PCNX2: variants seen among roughly 807,000 people sequenced by gnomAD.
PCNX2 encodes the protein pecanex-like protein 2.
In PCNX2, 168 loss-of-function variants were observed where a neutral mutation model predicts 223.8. That is an observed-to-expected ratio of 0.75 (90% CI 0.66 to 0.85). PCNX2 has a LOEUF of 0.85. Ranked by LOEUF, PCNX2 falls within the 40% of genes least tolerant of loss-of-function variation. The probability of loss-of-function intolerance (pLI) is 0.00; values close to 1 mark genes in which losing one functional copy is unlikely to be tolerated. For missense variants in PCNX2, 2,507 were observed against 2,675.5 expected, an observed-to-expected ratio of 0.94 and a Z score of 1.39; for synonymous variants, 1,006 against 1,052.6, an observed-to-expected ratio of 0.96 and a Z score of 0.86.
chr1:233,084,943 C>T (rs867524862), intron 23 of PCNX2, among the ~76,000 whole-genome samples: 31 of 152,210 alleles, frequency 2.0e-4, no homozygotes, highest in African/African-American at 7.0e-4. Context: ...TCAAGACCAC[C>T]TCAGTCTAGC....
At chr1:233,134,796 C>T (rs1676713242) in intron 21 of PCNX2, 1 of 571,934 alleles carries the variant, frequency 1.7e-6, no homozygotes, top group East Asian at 2.9e-5. Flanking sequence ...ATGGCTAATT[C>T]ATTTTAATTA....
At chr1:233,103,294 C>A (rs1384598859) in intron 21 of PCNX2, among the ~76,000 whole-genome samples, 2 of 152,178 alleles carry the variant, frequency 1.3e-5, no homozygotes, top group East Asian at 3.9e-4. Context: ...CAGTTATATT[C>A]TTTTAGTTCC....
chr1:233,052,725 A>T (rs1672052682), intron 25 of PCNX2, among the ~76,000 whole-genome samples: 1 of 152,202 alleles, frequency 6.6e-6, no homozygotes, highest in Admixed American at 6.5e-5. Flanking sequence ...CATGACATGT[A>T]ATCAGTGCTA....
At chr1:233,186,479 G>C (rs1680105719) in intron 15 of PCNX2, among the ~76,000 whole-genome samples, 1 of 152,062 alleles carries the variant, frequency 6.6e-6, no homozygotes, top group Non-Finnish European at 1.5e-5. Flanking sequence ...CGGCACGTGT[G>C]GGTGTGCAAT....
rs752436779 is a variant in PCNX2 at position 233,217,906 on chromosome 1, G to C, written c.2684C>G (p.Pro895Arg). The C allele has an allele frequency of 5.0e-6, 8 of 1,613,766 alleles. No individual in the cohort carries two copies. The highest frequency in any genetic ancestry group is 1.7e-6 in the Non-Finnish European group (2 of 1,179,874). The part of the protein sequence containing the change: ...LKSVQPDPAS[P>R]IHGHNQIITY... ...CTGTATTTGGAAACTTACGTGTATT[G>C]GTGAGGCGGGGTCAGGCTGAACACT... The change falls in exon 12 of 34, where the codon CCA (proline) becomes CGA (arginine). Residue 895 changes from proline (P) to arginine (R), a missense_variant. Around this residue, in one of 3 missense-constraint regions of PCNX2, gnomAD observed 104 missense variants for 144.4 expected, o/e 0.72. Coordinates refer to ENST00000258229, the MANE Select transcript of PCNX2 (RefSeq NM_014801.4).
intron 25 of PCNX2, among the ~76,000 whole-genome samples, chr1:233,026,873 C>T (rs764368712): frequency 1.1e-4 from 17 of 152,138 alleles, no homozygotes; most frequent in Admixed American, 3.3e-4. Flanking sequence ...GTCAGGGAGG[C>T]AGCTGGATTA....
At chr1:233,101,164 C>A (rs551482381) in intron 21 of PCNX2, among the ~76,000 whole-genome samples, 1 of 152,064 alleles carries the variant, frequency 6.6e-6, no homozygotes, top group Admixed American at 6.6e-5. Context: ...GATTAAAAGC[C>A]GGAAACAAAG....
intron 2 of PCNX2, among the ~76,000 whole-genome samples, 179 bp downstream of exon 2, chr1:233,262,773 AAGCCAG>A (rs1201382777): frequency 6.6e-6 from 1 of 152,224 alleles, no homozygotes; most frequent in Non-Finnish European, 1.5e-5. Context: ...ATTTATTGGG[AAGCCAG>A]TTAAACCATC....
At chr1:233,289,253 G>A (rs772480612) in intron 1 of PCNX2, 8 of 957,332 alleles carry the variant, frequency 8.4e-6, no homozygotes, top group Non-Finnish European at 1.4e-5. Flanking sequence ...GTTGAGGAAC[G>A]GGAACAAAGA....
At position 233,179,093 on chromosome 1, in the gene PCNX2, C is replaced by T. The variant is rs192611362; in HGVS notation, c.3149G>A (p.Arg1050His). The part of the protein sequence containing the change: ...LLVALSYHLS[R>H]QSSDPSVLMS... ...GAGTACAGATGGGTCACTGCTCTGACGGCTCAGATGGTAAGAAAGGGCGAC... is the reference window on the plus strand; with the variant it reads ...GAGTACAGATGGGTCACTGCTCTGATGGCTCAGATGGTAAGAAAGGGCGAC... The change falls in exon 16 of 34, where the codon CGT (arginine) becomes CAT (histidine). Residue 1050 changes from arginine (R) to histidine (H), a missense_variant. Arg to His is a conservative substitution (Grantham distance 29). Transcript: ENST00000258229. 1,405 of 1,613,758 alleles carry T rather than the reference C, an allele frequency of 8.7e-4. 2 individuals carry two copies. The highest frequency in any genetic ancestry group is 1.4e-3 in the African/African-American group (102 of 75,034).
chr1:233,139,948 A>C lies in PCNX2; in HGVS notation c.3518-93T>G, dbSNP rs953031178. On this transcript the variant is annotated intron_variant, in intron 19 of 33. Transcript: ENST00000258229. This position sits in a 1 kb window ranked among gnomAD's most constrained non-coding sequence, Gnocchi z 4.4. ...TAATAAGTAATATTCCCCCCCTTTAATTCAAAAGCTGCTAATTAAGAACTC... is the reference window on the plus strand; with the variant it reads ...TAATAAGTAATATTCCCCCCCTTTACTTCAAAAGCTGCTAATTAAGAACTC... 336 of 1,435,132 alleles carry C rather than the reference A, an allele frequency of 2.3e-4. No individual in the cohort carries two copies. The highest frequency in any genetic ancestry group is 2.9e-4 in the Non-Finnish European group (313 of 1,073,802). 88.9% of individuals were successfully genotyped at this position (1,435,132 alleles called of 1,614,324 possible). A position where few individuals can be genotyped will look rare whatever the true frequency, so the allele number is the denominator to read the frequency against.
intron 25 of PCNX2, among the ~76,000 whole-genome samples, chr1:233,028,338 T>C (rs889315789): frequency 1.3e-5 from 2 of 152,264 alleles, no homozygotes; most frequent in African/African-American, 4.8e-5. Context: ...TGTTAATGTG[T>C]TCAACTATAA....
At chr1:233,074,582 G>A (rs1277585886) in intron 23 of PCNX2, among the ~76,000 whole-genome samples, 2 of 109,098 alleles carry the variant, frequency 1.8e-5, no homozygotes, top group Admixed American at 1.3e-4. Context: ...GCGACAGAGC[G>A]AGACTCCGTC....
chr1:233,162,640 C>T (rs1223951855), intron 17 of PCNX2, among the ~76,000 whole-genome samples: 1 of 152,104 alleles, frequency 6.6e-6, no homozygotes, highest in African/African-American at 2.4e-5. Context: ...AGCAACAGGC[C>T]ATATATTGCT....
chr1:233,154,649 T>C (rs1041109443), intron 19 of PCNX2, among the ~76,000 whole-genome samples: 5 of 152,234 alleles, frequency 3.3e-5, no homozygotes, highest in African/African-American at 1.2e-4. Context: ...TAATTCCATA[T>C]ATTTTCCATT....
chr1:233,081,305 C>G (rs1213788825), intron 23 of PCNX2, among the ~76,000 whole-genome samples: 1 of 152,160 alleles, frequency 6.6e-6, no homozygotes, highest in African/African-American at 2.4e-5. Flanking sequence ...GAGATCACGC[C>G]ACTGCACTCC....
rs766602602 is a variant in PCNX2, at chr1:233,057,279, A to C, written c.4088T>G (p.Val1363Gly). The change falls in exon 24 of 34, where the codon GTG becomes GGG. Residue 1363 changes from valine to glycine, a missense_variant. By Grantham distance (109) the Val-to-Gly change is moderately radical. This residue lies in a region of PCNX2 where 1,372 missense variants were observed against 1,509.4 expected (regional missense o/e 0.91). Transcript: ENST00000258229. ...TGCCAGTCTTGTGTTGGAATTATCCACTCGCCTTGTACTAGAAGAGGCCAC... is the reference window on the plus strand; with the variant it reads ...TGCCAGTCTTGTGTTGGAATTATCCCCTCGCCTTGTACTAGAAGAGGCCAC... Reference protein sequence around the residue: ...FWEKNYNTRRVDNSNTRLAVQ... With the variant: ...FWEKNYNTRRGDNSNTRLAVQ... 6.2e-7 allele frequency: 1 copy of C among 1,609,500 alleles called. No homozygotes were observed. Among genetic ancestry groups the C allele is most frequent in the South Asian group, 1.1e-5 (1 of 90,344 alleles).
intron 13 of PCNX2, among the ~76,000 whole-genome samples, chr1:233,203,749 G>A (rs1295664157): frequency 6.6e-6 from 1 of 152,108 alleles, no homozygotes; most frequent in Non-Finnish European, 1.5e-5. Context: ...TACTGGACTG[G>A]CCTCGCTCCT....
intron 8 of PCNX2, among the ~76,000 whole-genome samples, chr1:233,249,593 A>G (rs1436143843): frequency 3.3e-5 from 5 of 152,220 alleles, no homozygotes; most frequent in Admixed American, 3.3e-4. Context: ...GGATTGGTCC[A>G]TGGTACCTGA....
Sources: gnomAD v4.1 joint callset for allele counts (sites outside exome capture counted in the v4.1 genomes callset) on GRCh38, gnomAD v4.1.1 for gene constraint, gnomAD v4.1.1 regional missense constraint, Gnocchi (gnomAD v3.1) non-coding constraint, MANE v1.5 for transcripts, NCBI Gene and HGNC (gene_info 2026-07-23, HGNC 2026-07-21) for gene names.